Variants in DGKI observed in about 807,000 individuals in gnomAD.
DGKI encodes diacylglycerol kinase iota.
DGKI carries 55 observed loss-of-function variants against 147.5 expected under a neutral mutation model. The observed-to-expected ratio is 0.37, with a 90% CI of 0.30 to 0.47. DGKI has a LOEUF of 0.47. Ranked by LOEUF, DGKI falls within the 20% of genes least tolerant of loss-of-function variation. DGKI has a pLI of 1.00. For missense variants in DGKI, 1,007 were observed against 1,323.8 expected (o/e 0.76, Z 3.71); for synonymous variants, 469 against 477.1 (o/e 0.98, Z 0.22).
chr7:137,758,885 T>C (rs928947571), intron 1 of DGKI, among the ~76,000 whole-genome samples: 4 of 152,110 alleles, frequency 2.6e-5, no homozygotes, highest in African/African-American at 9.7e-5. Context: ...ACTTTTCCCA[T>C]ATAGGCGCTT....
intron 1 of DGKI, among the ~76,000 whole-genome samples, chr7:137,699,201 A>G (rs1170520121): frequency 6.6e-6 from 1 of 152,210 alleles, no homozygotes; most frequent in Non-Finnish European, 1.5e-5. Flanking sequence ...TTAAAGGGAC[A>G]CTAATCCCAC....
At chr7:137,463,704 G>A (rs1767219295) in intron 26 of DGKI, 93 bp from the exon 27 acceptor site, 9 of 1,454,404 alleles carry the variant, frequency 6.2e-6, no homozygotes, top group African/African-American at 2.8e-5. Context: ...GCCAGTAAAT[G>A]TGAGAAGCAA....
chr7:137,820,807 G>A (rs1797873564), intron 1 of DGKI, among the ~76,000 whole-genome samples: 1 of 152,096 alleles, frequency 6.6e-6, no homozygotes, highest in Admixed American at 6.5e-5. Flanking sequence ...CTGGAGGTGG[G>A]GCTGTGTGAG....
At chr7:137,440,527 A>G (rs1813458966) in intron 28 of DGKI, among the ~76,000 whole-genome samples, 1 of 152,244 alleles carries the variant, frequency 6.6e-6, no homozygotes, top group African/African-American at 2.4e-5. Flanking sequence ...TTCCAGGGAC[A>G]TGGCCGATAA....
intron 28 of DGKI, among the ~76,000 whole-genome samples, chr7:137,439,534 T>C (rs1201076949): frequency 1.3e-5 from 2 of 152,040 alleles, no homozygotes; most frequent in Admixed American, 6.6e-5. Flanking sequence ...GAAAACAGTA[T>C]GGGGGAAACT....
At chr7:137,643,072 A>T (rs988239947) in intron 6 of DGKI, among the ~76,000 whole-genome samples, 2 of 151,612 alleles carry the variant, frequency 1.3e-5, no homozygotes, top group African/African-American at 4.8e-5. Context: ...CGGGCGGATC[A>T]CGAGGTCAGG....
intron 28 of DGKI, among the ~76,000 whole-genome samples, chr7:137,435,918 T>C (rs1427864405): frequency 6.6e-6 from 1 of 152,142 alleles, no homozygotes; most frequent in Non-Finnish European, 1.5e-5. Flanking sequence ...CAGCTGGGAT[T>C]ACAGGCATGC....
At chr7:137,402,660 C>T (rs1811802860) in intron 30 of DGKI, among the ~76,000 whole-genome samples, 1 of 152,206 alleles carries the variant, frequency 6.6e-6, no homozygotes, top group African/African-American at 2.4e-5. Context: ...CTTCCACTTC[C>T]CATGGCCTCT....
intron 28 of DGKI, among the ~76,000 whole-genome samples, chr7:137,426,864 C>T (rs1202526944): frequency 6.6e-6 from 1 of 151,976 alleles, no homozygotes; most frequent in Non-Finnish European, 1.5e-5. Context: ...CCTAAATATG[C>T]ATGCACCCAA....
At chr7:137,449,759 C>T (rs1382642891) in intron 27 of DGKI, among the ~76,000 whole-genome samples, 1 of 152,140 alleles carries the variant, frequency 6.6e-6, no homozygotes, top group Admixed American at 6.5e-5. Context: ...TATGATTCAG[C>T]AATCATAAGG....
At chr7:137,424,899 G>C (rs1259611392) in intron 28 of DGKI, among the ~76,000 whole-genome samples, 1 of 152,236 alleles carries the variant, frequency 6.6e-6, no homozygotes, top group Non-Finnish European at 1.5e-5. Flanking sequence ...CTCGAACTGG[G>C]TGGAGCCCAC....
chr7:137,580,949 T>C (rs1308905502), intron 15 of DGKI, among the ~76,000 whole-genome samples: 1 of 152,046 alleles, frequency 6.6e-6, no homozygotes, highest in Admixed American at 6.6e-5. Flanking sequence ...ATGGTTCTGG[T>C]TATATATATT....
Position 137,495,160 on chromosome 7 carries a change from A to G in DGKI, c.2249-7471T>C, listed in dbSNP as rs560757559. 5.9e-5 allele frequency among the ~76,000 whole-genome samples: 9 copies of G among 152,204 alleles called. No homozygotes were observed. The East Asian group carries it at 1.7e-3, about 29-fold the overall frequency. On this transcript the variant is annotated intron_variant, in intron 21 of 32. Transcript: ENST00000614521. ...TAAAACACCCTTAAAGACTACTATG[A>G]ATACCTCTCTGCACACAAGCTAGAA...
chr7:137,583,273 T>C (rs1263556847), intron 14 of DGKI, among the ~76,000 whole-genome samples: 2 of 152,130 alleles, frequency 1.3e-5, no homozygotes, highest in African/African-American at 4.8e-5. Flanking sequence ...ACTAAACACA[T>C]AGAACAATGC....
chr7:137,737,950 T>C (rs1795071134), intron 1 of DGKI, among the ~76,000 whole-genome samples: 1 of 152,158 alleles, frequency 6.6e-6, no homozygotes, highest in Non-Finnish European at 1.5e-5. Context: ...ACAAGTTCTG[T>C]GCAAAGAACT....
intron 23 of DGKI, among the ~76,000 whole-genome samples, chr7:137,474,838 C>G (rs1044621248): frequency 1.3e-5 from 2 of 152,124 alleles, no homozygotes; most frequent in African/African-American, 4.8e-5. Context: ...TTGAGAGGCA[C>G]GACAATCCTG....
At chr7:137,538,784 T>C (rs1817596546) in intron 20 of DGKI, among the ~76,000 whole-genome samples, 1 of 152,198 alleles carries the variant, frequency 6.6e-6, no homozygotes, top group Non-Finnish European at 1.5e-5. Context: ...ACAGGTTTCA[T>C]AAAGCAGCTA....
Position 137,581,860 on chromosome 7 carries a change from A to G in DGKI, c.1632T>C (p.His544=), listed in dbSNP as rs1819208395. 6.2e-7 allele frequency: 1 copy of G among 1,612,998 alleles called. No individual in the cohort carries two copies. Among genetic ancestry groups the G allele is most frequent in the African/African-American group, 1.3e-5 (1 of 75,018 alleles). The change falls in exon 15 of 33, where the codon CAT becomes CAC. Residue 544 remains histidine (H), a synonymous_variant. Coordinates refer to ENST00000614521, the MANE Select transcript of DGKI (RefSeq NM_001321708.2). The part of the protein sequence containing the change: ...GFDAHVTLEF[H]ESREANPEKF... Reference sequence around the variant, plus strand: ...GGACGTTGTCCTCACCTCTGGATTCATGGAACTCCAGTGTGACATGGGCAT... The same window carrying G: ...GGACGTTGTCCTCACCTCTGGATTCGTGGAACTCCAGTGTGACATGGGCAT...
intron 1 of DGKI, among the ~76,000 whole-genome samples, chr7:137,772,528 A>G (rs1283142985): frequency 6.6e-6 from 1 of 152,200 alleles, no homozygotes; most frequent in Non-Finnish European, 1.5e-5. Flanking sequence ...AGCTTGCAGA[A>G]TGGTTTATAA....
Sources: gnomAD v4.1 joint callset for allele counts (sites outside exome capture counted in the v4.1 genomes callset) on GRCh38, gnomAD v4.1.1 for gene constraint, MANE v1.5 for transcripts, NCBI Gene and HGNC (gene_info 2026-07-23, HGNC 2026-07-21) for gene names.